PRH1: variants seen among roughly 807,000 people sequenced by gnomAD.
The protein encoded by PRH1 is salivary acidic proline-rich phosphoprotein 1/2.
In PRH1, 7 loss-of-function variants were observed where a neutral mutation model predicts 7.9. That is an observed-to-expected ratio of 0.89 (90% confidence interval 0.50 to 1.67). The LOEUF is 1.67. Ranked by LOEUF, PRH1 falls within the 40% of genes most tolerant of loss-of-function variation. The probability of loss-of-function intolerance (pLI) is 0.00; values close to 1 mark genes in which losing one functional copy is unlikely to be tolerated. For missense variants in PRH1, 109 were observed against 223.6 expected (o/e 0.49, Z 3.27); for synonymous variants, 45 against 80.8 (o/e 0.56, Z 2.38).
chr12:11,001,274 T>C (rs1454167726), intron 1 of PRH1, among the ~76,000 whole-genome samples: 1 of 152,080 alleles, frequency 6.6e-6, no homozygotes, highest in Non-Finnish European at 1.5e-5. Flanking sequence ...AAATAAATTA[T>C]AGCACCTCAA....
intron 2 of PRH1, among the ~76,000 whole-genome samples, chr12:10,899,487 A>G (rs1949695095): frequency 6.6e-6 from 1 of 152,110 alleles, no homozygotes; most frequent in African/African-American, 2.4e-5. Context: ...CAATGTAGTG[A>G]GTGAGTTCTC....
intron 1 of PRH1, among the ~76,000 whole-genome samples, chr12:11,057,005 CT>C (rs66633867): frequency 0.14 from 17,623 of 121,944 alleles, no homozygotes; most frequent in East Asian, 0.21. Flanking sequence ...AGAACTTTCA[CT>C]TTTTTTTTTT....
intron 1 of PRH1, among the ~76,000 whole-genome samples, chr12:11,110,393 A>G (rs1273501462): frequency 6.6e-6 from 1 of 152,204 alleles, no homozygotes; most frequent in Admixed American, 6.5e-5. Flanking sequence ...GAAATGAAGG[A>G]AAAAATGTTA....
intron 1 of PRH1, among the ~76,000 whole-genome samples, chr12:11,112,127 C>T (rs1945606802): frequency 6.6e-6 from 1 of 152,064 alleles, no homozygotes; most frequent in Non-Finnish European, 1.5e-5. Context: ...CCTGAATAGA[C>T]CAATAACAAG....
chr12:10,965,679 C>T (rs930897351), intron 2 of PRH1, among the ~76,000 whole-genome samples: 3 of 152,186 alleles, frequency 2.0e-5, no homozygotes, highest in Admixed American at 2.0e-4. Context: ...CAAATAAAGA[C>T]ATATTCTCTT....
chr12:11,122,890 G>A (rs980820066), intron 1 of PRH1, among the ~76,000 whole-genome samples: 1 of 152,116 alleles, frequency 6.6e-6, no homozygotes, highest in Non-Finnish European at 1.5e-5. Flanking sequence ...GGCGAGACAT[G>A]GAACATTGCT....
chr12:11,032,985 T>A (rs7134036), intron 1 of PRH1, among the ~76,000 whole-genome samples: 66,668 of 151,976 alleles, frequency 0.44, 15,441 homozygotes, highest in Non-Finnish European at 0.51. Flanking sequence ...GAGAAACTAA[T>A]GACGTGAGAT....
At chr12:11,081,527 G>C (rs66963320) in intron 1 of PRH1, among the ~76,000 whole-genome samples, 57,408 of 110,956 alleles carry the variant, frequency 0.52, 24,129 homozygotes, top group East Asian at 0.98. Context: ...CTTTGTTCTG[G>C]AATTTACCTT....
Position 11,061,350 on chromosome 12 carries a change from G to C in PRH1, n.124-14162C>G, listed in dbSNP as rs370643592. The C allele has an allele frequency of 4.6e-4, 737 of 1,606,070 alleles. 1 individual carries two copies. Among genetic ancestry groups the C allele is most frequent in the Non-Finnish European group, 5.7e-4 (670 of 1,176,808 alleles). ...TGTTTTCTGCTAGAAGATACACAATGCTGCTCTTGTGAATCTATGAAGATG... is the reference window on the plus strand; with the variant it reads ...TGTTTTCTGCTAGAAGATACACAATCCTGCTCTTGTGAATCTATGAAGATG... On this transcript the variant is annotated intron_variant and non_coding_transcript_variant, in intron 1 of 4. Transcript: ENST00000541977.
intron 2 of PRH1, among the ~76,000 whole-genome samples, chr12:10,971,957 C>T (rs1225415309): frequency 2.0e-5 from 3 of 151,966 alleles, no homozygotes; most frequent in Non-Finnish European, 4.4e-5. Flanking sequence ...AATCATTTTT[C>T]ATGAAGTTTC....
chr12:10,989,287 C>A (rs1241454915), intron 1 of PRH1, among the ~76,000 whole-genome samples: 4 of 152,196 alleles, frequency 2.6e-5, no homozygotes, highest in Non-Finnish European at 5.9e-5. Context: ...TTATGTGATT[C>A]ATTTCTTTTC....
At chr12:11,052,901 T>G (rs1325671510) in intron 1 of PRH1, among the ~76,000 whole-genome samples, 2 of 151,304 alleles carry the variant, frequency 1.3e-5, no homozygotes, top group African/African-American at 4.8e-5. Context: ...CTGTTCTTTT[T>G]AAAAATGTTT....
chr12:11,104,734 T>C (rs1260620182), intron 1 of PRH1, among the ~76,000 whole-genome samples: 2 of 152,138 alleles, frequency 1.3e-5, no homozygotes, highest in East Asian at 1.9e-4. Flanking sequence ...GATAATGCCA[T>C]ACTCAGCCGA....
intron 1 of PRH1, chr12:11,091,143 T>TATATATATATA (rs1565644368): frequency 3.8e-4 from 23 of 61,228 alleles, no homozygotes; most frequent in Middle Eastern, 4.3e-3. Context: ...TATATATATA[T>TATATATATATA]TTTCTAGACT....
intron 2 of PRH1, among the ~76,000 whole-genome samples, chr12:10,942,776 T>C (rs576586500): frequency 1.3e-5 from 2 of 152,334 alleles, no homozygotes; most frequent in South Asian, 2.1e-4. Context: ...GGTGATTTCC[T>C]TCTCTCTGTG....
intron 1 of PRH1, among the ~76,000 whole-genome samples, chr12:11,019,038 G>A (rs1941449621): frequency 6.6e-6 from 1 of 152,274 alleles, no homozygotes; most frequent in African/African-American, 2.4e-5. Flanking sequence ...GAAAAATGGG[G>A]GTATTGGTTA....
At chr12:10,896,719 A>G (rs1409223041) in intron 2 of PRH1, 2 of 147,266 alleles carry the variant, frequency 1.4e-5, no homozygotes, top group Non-Finnish European at 3.0e-5. Context: ...CCGAGATCAC[A>G]CTACTGCACT....
At chr12:11,096,540 T>G (rs1945072521) in intron 1 of PRH1, among the ~76,000 whole-genome samples, 1 of 115,606 alleles carries the variant, frequency 8.7e-6, no homozygotes, top group Non-Finnish European at 2.0e-5. Flanking sequence ...TTGTAATACT[T>G]TGGTCAAAGA....
rs369357073 is a variant in PRH1 at position 11,133,788 on chromosome 12, C to T, written n.40-12608G>A. 44 of 1,614,064 alleles carry T rather than the reference C, an allele frequency of 2.7e-5. No homozygotes were observed. Among genetic ancestry groups the T allele is most frequent in the Non-Finnish European group, 3.6e-5 (42 of 1,180,034 alleles). ...TTTCCTTCATATTCTTTTGTCCATA[C>T]AGTCTCATCCATGTTTATCACAAAA... On this transcript the variant is annotated intron_variant and non_coding_transcript_variant, in intron 1 of 1. Coordinates refer to the PRH1 transcript ENST00000541175.
Sources: gnomAD v4.1 joint callset for allele counts (sites outside exome capture counted in the v4.1 genomes callset) on GRCh38, gnomAD v4.1.1 for gene constraint, MANE v1.5 for transcripts, NCBI Gene and HGNC (gene_info 2026-07-23, HGNC 2026-07-21) for gene names.